The following SKAP1 variants were observed in gnomAD, a reference collection of about 807,000 sequenced individuals.
The protein encoded by SKAP1 is src kinase associated phosphoprotein 1, also known as src kinase-associated phosphoprotein 1.
SKAP1 carries 44 observed loss-of-function variants against 58.5 expected under a neutral mutation model. The ratio of observed to expected loss-of-function variants is 0.75; its 90% confidence interval spans 0.59 to 0.97. The LOEUF (loss-of-function observed/expected upper bound fraction) is 0.97. Ranked by LOEUF, SKAP1 falls within the 50% of genes least tolerant of loss-of-function variation. SKAP1 has a pLI of 0.00. For synonymous variants in SKAP1, 127 were observed against 149.7 expected (o/e 0.85, Z 1.11); for missense variants, 390 against 435.2 (o/e 0.90, Z 0.92).
At chr17:48,172,743 G>A (rs921398621) in intron 9 of SKAP1, among the ~76,000 whole-genome samples, 7 of 152,120 alleles carry the variant, frequency 4.6e-5, no homozygotes, top group African/African-American at 1.7e-4. Flanking sequence ...TTTTTTAAAT[G>A]TAATGTTTAT....
chr17:48,187,983 C>T, intron 5 of SKAP1, 57 bp from the exon 6 acceptor site: 1 of 1,270,166 alleles, frequency 7.9e-7, no homozygotes. Context: ...ATTGAAGAGT[C>T]TGTAAAATCC....
intron 4 of SKAP1, among the ~76,000 whole-genome samples, chr17:48,305,801 T>G (rs1387745218): frequency 6.6e-6 from 1 of 152,220 alleles, no homozygotes; most frequent in African/African-American, 2.4e-5. Flanking sequence ...GTTCATAGAA[T>G]TTGCTAGAGG....
intron 4 of SKAP1, among the ~76,000 whole-genome samples, chr17:48,216,453 C>T (rs1433370936): frequency 4.0e-5 from 6 of 151,808 alleles, no homozygotes; most frequent in African/African-American, 1.5e-4. Context: ...AACTAAGTAC[C>T]CTATGTCCAC....
intron 4 of SKAP1, among the ~76,000 whole-genome samples, chr17:48,292,730 G>T (rs540216418): frequency 4.6e-4 from 70 of 152,310 alleles, no homozygotes; most frequent in Admixed American, 1.4e-3. Flanking sequence ...AAGTTATACT[G>T]CAGGTCTTGA....
intron 4 of SKAP1, among the ~76,000 whole-genome samples, chr17:48,275,030 C>T (rs945247026): frequency 2.6e-5 from 4 of 152,148 alleles, no homozygotes; most frequent in African/African-American, 9.7e-5. Context: ...CCTCCTCCAC[C>T]AACTCTTTTG....
chr17:48,375,779 T>C (rs560843416), intron 2 of SKAP1, among the ~76,000 whole-genome samples: 1 of 151,980 alleles, frequency 6.6e-6, no homozygotes, highest in Admixed American at 6.5e-5. Context: ...AAAGGAGTCA[T>C]TGAAAGGTCT....
chr17:48,208,566 A>G (rs2064835323), intron 4 of SKAP1, among the ~76,000 whole-genome samples: 1 of 152,206 alleles, frequency 6.6e-6, no homozygotes, highest in Non-Finnish European at 1.5e-5. Flanking sequence ...TTGTATATAA[A>G]ATGAAGTATG....
chr17:48,387,619 C>T (rs1336319321), intron 2 of SKAP1, among the ~76,000 whole-genome samples: 2 of 152,174 alleles, frequency 1.3e-5, no homozygotes, highest in African/African-American at 4.8e-5. Flanking sequence ...ACATTTACTG[C>T]ACTAGGGCCA....
chr17:48,371,422 T>C (rs1313842916), intron 2 of SKAP1, among the ~76,000 whole-genome samples: 1 of 151,848 alleles, frequency 6.6e-6, no homozygotes, highest in Non-Finnish European at 1.5e-5. Flanking sequence ...AAGAACATAG[T>C]TATTGAGATT....
rs1456119591 is a variant in SKAP1 at position 48,180,257 on chromosome 17, G to A, written c.632-9C>T. 1.3e-6 allele frequency: 2 copies of A among 1,539,442 alleles called. No individual in the cohort carries two copies. Among genetic ancestry groups the A allele is most frequent in the Non-Finnish European group, 1.8e-6 (2 of 1,141,930 alleles). On this transcript the variant is annotated splice_polypyrimidine_tract_variant and intron_variant, in intron 8 of 12. Transcript: ENST00000336915. ...GGTTAAGGAGCTCAGATCTAACAAGGCAAAGATGAGAATGAATCAAGAAAC... is the reference window on the plus strand; with the variant it reads ...GGTTAAGGAGCTCAGATCTAACAAGACAAAGATGAGAATGAATCAAGAAAC...
chr17:48,190,313 C>T (rs372667573), intron 4 of SKAP1, among the ~76,000 whole-genome samples: 2 of 151,800 alleles, frequency 1.3e-5, no homozygotes, highest in Admixed American at 6.6e-5. Flanking sequence ...GGGGTTTCAC[C>T]GTGTTAGCCA....
intron 4 of SKAP1, among the ~76,000 whole-genome samples, chr17:48,313,372 A>G (rs2066249487): frequency 6.6e-6 from 1 of 152,224 alleles, no homozygotes; most frequent in Non-Finnish European, 1.5e-5. Flanking sequence ...ATGTGTGAAC[A>G]GAAGCTGACC....
At chr17:48,385,688 G>C (rs1353702640) in intron 2 of SKAP1, among the ~76,000 whole-genome samples, 2 of 152,058 alleles carry the variant, frequency 1.3e-5, no homozygotes, top group African/African-American at 2.4e-5. Context: ...AATGCCAACA[G>C]CACTTTGGGA....
chr17:48,407,570 G>A (rs530093307), intron 1 of SKAP1, among the ~76,000 whole-genome samples: 3 of 152,184 alleles, frequency 2.0e-5, no homozygotes, highest in African/African-American at 4.8e-5. Flanking sequence ...TAAAAATAGC[G>A]GGGAAAGGCC....
intron 4 of SKAP1, among the ~76,000 whole-genome samples, chr17:48,309,611 G>A (rs2066196013): frequency 6.6e-6 from 1 of 152,010 alleles, no homozygotes; most frequent in Non-Finnish European, 1.5e-5. Context: ...ATACATATAT[G>A]TCCACATATA....
At chr17:48,293,817 G>A (rs1354985616) in intron 4 of SKAP1, among the ~76,000 whole-genome samples, 5 of 152,178 alleles carry the variant, frequency 3.3e-5, no homozygotes, top group Non-Finnish European at 7.3e-5. Context: ...CTCTGACATT[G>A]ACATTCACAG....
At chr17:48,367,444 C>A (rs1223516716) in intron 2 of SKAP1, among the ~76,000 whole-genome samples, 2 of 149,512 alleles carry the variant, frequency 1.3e-5, no homozygotes, top group Non-Finnish European at 3.0e-5. Flanking sequence ...AAAAAGGTAA[C>A]CATGTAAGCC....
chr17:48,272,426 T>C (rs942545364), intron 4 of SKAP1, among the ~76,000 whole-genome samples: 1 of 151,570 alleles, frequency 6.6e-6, no homozygotes, highest in Non-Finnish European at 1.5e-5. Context: ...GACATCGTGT[T>C]CCTCTTCCTT....
At chr17:48,386,561 G>C (rs1448982728) in intron 2 of SKAP1, among the ~76,000 whole-genome samples, 1 of 152,194 alleles carries the variant, frequency 6.6e-6, no homozygotes, top group African/African-American at 2.4e-5. Context: ...CCAGGTTGCT[G>C]TTCCATGTTG....
Sources: allele counts gnomAD v4.1 joint callset (sites outside exome capture counted in the v4.1 genomes callset), GRCh38; gene constraint gnomAD v4.1.1; transcripts MANE v1.5; gene names NCBI Gene and HGNC (gene_info 2026-07-23, HGNC 2026-07-21).